Variants in RYR2 observed in about 807,000 individuals in gnomAD.
RYR2 encodes cardiac muscle ryanodine receptor-calcium release channel.
RYR2 carries 227 observed loss-of-function variants against 601.1 expected under a neutral mutation model. The ratio of observed to expected loss-of-function variants is 0.38; its 90% confidence interval spans 0.34 to 0.42. The LOEUF (loss-of-function observed/expected upper bound fraction) is 0.42. Among genes scored for constraint, RYR2 ranks in the 10% least tolerant of loss-of-function variants. The probability of loss-of-function intolerance (pLI) is 1.00; values close to 1 mark genes in which losing one functional copy is unlikely to be tolerated. For synonymous variants in RYR2, 2,223 were observed against 2,175.1 expected (o/e 1.02, Z -0.61); for missense variants, 4,646 against 6,156.5 (o/e 0.75, Z 8.21).
intron 25 of RYR2, among the ~76,000 whole-genome samples, chr1:237,536,397 C>T (rs1668607945): frequency 6.6e-6 from 1 of 151,954 alleles, no homozygotes. Flanking sequence ...CGGTGTAACC[C>T]CGTCTCTACT....
chr1:237,168,306 A>G (rs112461538), intron 1 of RYR2, among the ~76,000 whole-genome samples: 1 of 151,286 alleles, frequency 6.6e-6, no homozygotes, highest in African/African-American at 2.4e-5. Flanking sequence ...TTCTTCATGC[A>G]GGGGGTGCTG....
Position 237,545,580 on chromosome 1 carries a change from G to T in RYR2, c.2907-2851G>T, listed in dbSNP as rs998780377. Among the ~76,000 whole-genome samples, 5 of 152,252 alleles carry T rather than the reference G, an allele frequency of 3.3e-5. No individual in the cohort carries two copies. The East Asian group carries it at 9.7e-4, about 29-fold the overall frequency. ...GCTTGTGCTGGGTGACCATGGGCCAGTTGTGGGGAGTGAGAAGTAGTTGTG... is the reference window on the plus strand; with the variant it reads ...GCTTGTGCTGGGTGACCATGGGCCATTTGTGGGGAGTGAGAAGTAGTTGTG... On this transcript the variant is annotated intron_variant, in intron 25 of 104. Coordinates refer to ENST00000366574, the MANE Select transcript of RYR2 (RefSeq NM_001035.3).
chr1:237,613,660 A>G (rs1371766933), intron 36 of RYR2, among the ~76,000 whole-genome samples: 1 of 152,174 alleles, frequency 6.6e-6, no homozygotes, highest in Non-Finnish European at 1.5e-5. Context: ...GCAGCCATTA[A>G]ACATGTCATA....
At chr1:237,205,320 CCCTTGGGAG>C (rs1681685634) in intron 1 of RYR2, among the ~76,000 whole-genome samples, 1 of 152,114 alleles carries the variant, frequency 6.6e-6, no homozygotes, top group East Asian at 1.9e-4. Context: ...AGCTGTAGAG[CCCTTGGGAG>C]CCATGGAGGG....
At chr1:237,786,227 G>T (rs973960237) in intron 91 of RYR2, among the ~76,000 whole-genome samples, 191 bp downstream of exon 91, 4 of 152,098 alleles carry the variant, frequency 2.6e-5, no homozygotes, top group African/African-American at 9.7e-5. Context: ...CACTGTAGAC[G>T]CCCCCGGGGC....
chr1:237,397,465 A>T (rs1343774614), intron 10 of RYR2, among the ~76,000 whole-genome samples: 2 of 152,158 alleles, frequency 1.3e-5, no homozygotes, highest in Admixed American at 6.5e-5. Flanking sequence ...ATAAGTGAAT[A>T]CATGGAGGTG....
intron 80 of RYR2, chr1:237,755,085 A>C (rs745705846): frequency 1.6e-6 from 2 of 1,289,002 alleles, no homozygotes; most frequent in South Asian, 2.5e-5. Context: ...AGATTTAAGA[A>C]ACAAATTTGC....
intron 3 of RYR2, among the ~76,000 whole-genome samples, chr1:237,355,453 A>G (rs1404669786): frequency 6.6e-6 from 1 of 152,184 alleles, no homozygotes; most frequent in East Asian, 1.9e-4. Context: ...TGATTCCCAC[A>G]TAACTTCAGA....
At chr1:237,820,895 C>G (rs1662414064) in intron 101 of RYR2, among the ~76,000 whole-genome samples, 4 of 152,184 alleles carry the variant, frequency 2.6e-5, no homozygotes, top group Admixed American at 2.6e-4. Flanking sequence ...ACAATGTAAA[C>G]AAAGCCACTG....
chr1:237,112,135 A>T (rs1172757651), intron 1 of RYR2, among the ~76,000 whole-genome samples: 1 of 151,988 alleles, frequency 6.6e-6, no homozygotes, highest in Non-Finnish European at 1.5e-5. Context: ...TTTGTTTGAG[A>T]TGGAGTTTTG....
At chr1:237,283,329 C>T (rs551428011) in intron 2 of RYR2, among the ~76,000 whole-genome samples, 23 of 152,038 alleles carry the variant, frequency 1.5e-4, no homozygotes, top group African/African-American at 5.5e-4. Flanking sequence ...TTCTCTTTTT[C>T]TTCCTCCCTC....
intron 62 of RYR2, 89 bp from the exon 63 acceptor site, chr1:237,687,366 C>CTTTTTTTTTTTTTTTTTTTTTTTTCTTT: frequency 1.2e-5 from 3 of 257,686 alleles, no homozygotes; most frequent in East Asian, 7.7e-5. Context: ...TTTTCTTCTT[C>CTTTTTTTTTTTTTTTTTTTTTTTTCTTT]TTTTTTTTTT....
intron 12 of RYR2, among the ~76,000 whole-genome samples, chr1:237,440,685 C>T (rs2150143610): frequency 6.6e-6 from 1 of 152,238 alleles, no homozygotes; most frequent in East Asian, 1.9e-4. Context: ...TGAATTTTAG[C>T]TTTGATTAGT....
At chr1:237,174,537 C>T (rs1291253883) in intron 1 of RYR2, among the ~76,000 whole-genome samples, 1 of 152,152 alleles carries the variant, frequency 6.6e-6, no homozygotes, top group East Asian at 1.9e-4. Context: ...CTACCCCAAC[C>T]CCTGACCTCT....
At chr1:237,272,777 C>G (rs1689835599) in intron 2 of RYR2, among the ~76,000 whole-genome samples, 1 of 151,668 alleles carries the variant, frequency 6.6e-6, no homozygotes, top group African/African-American at 2.4e-5. Flanking sequence ...AACATACATT[C>G]TTAACTCAGA....
In RYR2 at chr1:237,609,390, T is replaced by C. The variant is rs555666206; in HGVS notation, c.4684-1372T>C. 7.4e-5 allele frequency among the ~76,000 whole-genome samples: 10 copies of C among 134,930 alleles called. No individual in the cohort carries two copies. In the South Asian group the frequency reaches 2.9e-3, roughly 39 times the overall value. The allele number at this position is 134,930 out of a possible 152,430, so 88.5% of individuals were successfully genotyped here. On this transcript the variant is annotated intron_variant, in intron 35 of 104. Transcript: ENST00000366574. ...TCCCCCCTTCCCTTTTCTTTCTTTC[T>C]GACAGAGTCTCACTTGTCACCCAGG...
chr1:237,556,279 A>ATAT (rs57036969), intron 27 of RYR2, among the ~76,000 whole-genome samples: 43,358 of 142,582 alleles, frequency 0.3, 7,201 homozygotes, highest in East Asian at 0.4. Flanking sequence ...ATTTTTTAAA[A>ATAT]TATTATTATT....
intron 25 of RYR2, among the ~76,000 whole-genome samples, chr1:237,542,700 G>C (rs771601577): frequency 6.6e-6 from 1 of 152,132 alleles, no homozygotes. Context: ...AGCTAAGAAT[G>C]CTCTCTCTGG....
chr1:237,585,070 C>G (rs1674377351), intron 29 of RYR2, among the ~76,000 whole-genome samples: 1 of 152,062 alleles, frequency 6.6e-6, no homozygotes, highest in Non-Finnish European at 1.5e-5. Context: ...TGGAACACCA[C>G]CACGCTTGTT....
Sources: gnomAD v4.1 joint callset for allele counts (sites outside exome capture counted in the v4.1 genomes callset) on GRCh38, gnomAD v4.1.1 for gene constraint, MANE v1.5 for transcripts, NCBI Gene and HGNC (gene_info 2026-07-23, HGNC 2026-07-21) for gene names.